The following BCL2L11 variants were observed in gnomAD, a reference collection of about 807,000 sequenced individuals.
BCL2L11 encodes bcl-2-like protein 11.
A neutral mutation model predicts 20.6 loss-of-function variants in BCL2L11; 15 were observed. The ratio of observed to expected loss-of-function variants is 0.73; its 90% CI spans 0.49 to 1.12. The LOEUF (loss-of-function observed/expected upper bound fraction) is 1.12. Among genes scored for constraint, BCL2L11 ranks in the 50% most tolerant of loss-of-function variants. BCL2L11 has a pLI of 0.00. For missense variants in BCL2L11, 292 were observed against 260.9 expected (o/e 1.12, Z -0.82); for synonymous variants, 108 against 92.8 (o/e 1.16, Z -0.94).
At chr2:111,144,612 G>A in intron 2 of BCL2L11, 1 of 1,409,648 alleles carries the variant, frequency 7.1e-7, no homozygotes, top group Admixed American at 2.2e-5. Flanking sequence ...AGATATTTCT[G>A]AAGATATTTA....
chr2:111,142,311 A>G lies in BCL2L11; in HGVS notation c.395-7733A>G, dbSNP rs1237029006. On this transcript the variant is annotated intron_variant, in intron 2 of 3. Coordinates refer to ENST00000393256, the MANE Select transcript of BCL2L11 (RefSeq NM_138621.5). ...TTTATACAACATTTTTATGGCTTGC[A>G]GATGACTCCGCTGGATCCTCCCTCA... The G allele has an allele frequency of 1.9e-6, 3 of 1,550,194 alleles. No homozygotes were observed. In the African/African-American group the frequency reaches 4.1e-5, roughly 21 times the overall value.
chr2:111,128,402 A>G (rs2073138424), intron 2 of BCL2L11, among the ~76,000 whole-genome samples: 1 of 152,018 alleles, frequency 6.6e-6, no homozygotes, highest in Admixed American at 6.5e-5. Context: ...TGCTATGAAC[A>G]TGGGTATGCA....
In BCL2L11 at chr2:111,123,449, C is replaced by T. The variant is rs1293089403; in HGVS notation, c.-13-284C>T. 4 of 985,360 alleles carry T rather than the reference C, an allele frequency of 4.1e-6. No homozygotes were observed. The African/African-American group carries it at 5.2e-5, about 13-fold the overall frequency. 61.0% of individuals were successfully genotyped at this position (985,360 alleles called of 1,614,324 possible). ...TGGGCAAAGAGCACACACGAATAGA[C>T]TTCAGATTAGCTGCTTCTCTGGAAA... is the stretch of plus-strand genomic sequence containing the variant. On this transcript the variant is annotated intron_variant, in intron 1 of 3. Coordinates refer to ENST00000393256, the MANE Select transcript of BCL2L11 (RefSeq NM_138621.5).
chr2:111,163,861 C>CTTTTTTT (rs10547953), intron 3 of BCL2L11, among the ~76,000 whole-genome samples: 1 of 104,720 alleles, frequency 9.5e-6, no homozygotes, highest in African/African-American at 3.5e-5. Flanking sequence ...TTTTTGAGTG[C>CTTTTTTT]TTTTTTTTTT....
chr2:111,161,548 T>TA, intron 3 of BCL2L11: 2 of 1,544,366 alleles, frequency 1.3e-6, no homozygotes, highest in Non-Finnish European at 1.7e-6. Flanking sequence ...GATCCGCTTA[T>TA]GGGTGTGTTT....
At chr2:111,133,250 C>T (rs999597793) in intron 2 of BCL2L11, among the ~76,000 whole-genome samples, 20 of 152,330 alleles carry the variant, frequency 1.3e-4, no homozygotes, top group African/African-American at 1.7e-4. Context: ...TGCCAAACAG[C>T]GTGCTGTGCA....
rs73954958 is a variant in BCL2L11, at chr2:111,146,165, T to C, written c.395-3879T>C. The C allele has an allele frequency of 3.6e-3, 3,577 of 985,340 alleles. 92 individuals carry two copies. The African/African-American group carries it at 0.056, about 15-fold the overall frequency. The allele number at this position is 985,340 out of a possible 1,614,324, so 61.0% of individuals were successfully genotyped here. On this transcript the variant is annotated intron_variant, in intron 2 of 3. Transcript: ENST00000393256. ...AAACTACATTTTCTGTGGGTAAAAA[T>C]GCAGCTCATCAGAATTTCCCCTTTG... is the stretch of plus-strand genomic sequence containing the variant.
At chr2:111,157,867 G>A (rs765053992) in intron 3 of BCL2L11, among the ~76,000 whole-genome samples, 2 of 152,204 alleles carry the variant, frequency 1.3e-5, no homozygotes, top group Non-Finnish European at 2.9e-5. Flanking sequence ...GCTTTGCAAC[G>A]CTAGGGGAGA....
intron 2 of BCL2L11, chr2:111,145,860 T>G: frequency 1.6e-6 from 1 of 641,570 alleles, no homozygotes; most frequent in East Asian, 1.4e-4. Context: ...TGGACACACT[T>G]TTGGCAAAAA....
chr2:111,122,551 AC>A (rs2071304379), intron 1 of BCL2L11: 1 of 850,944 alleles, frequency 1.2e-6, no homozygotes, highest in African/African-American at 1.8e-5. Context: ...CCGCGCGCGG[AC>A]CAATTGGGAA....
At chr2:111,147,390 A>ACACCCC (rs1039299406) in intron 2 of BCL2L11, among the ~76,000 whole-genome samples, 6 of 138,256 alleles carry the variant, frequency 4.3e-5, no homozygotes, top group Non-Finnish European at 9.5e-5. Context: ...ACACACACAC[A>ACACCCC]CCCGCCATTT....
intron 2 of BCL2L11, among the ~76,000 whole-genome samples, chr2:111,147,438 AATTT>A (rs2076706987): frequency 6.6e-6 from 1 of 150,774 alleles, no homozygotes; most frequent in Admixed American, 6.6e-5. Flanking sequence ...TATATCCATG[AATTT>A]ATTTAGGCTA....
At chr2:111,150,256 A>G in intron 3 of BCL2L11, 109 bp downstream of exon 3, 1 of 1,516,496 alleles carries the variant, frequency 6.6e-7, no homozygotes, top group Non-Finnish European at 8.9e-7. Context: ...TCTGGAAATG[A>G]TTACTGTTGC....
In BCL2L11 at chr2:111,124,881, A is replaced by T. The variant is rs1182538489; in HGVS notation, c.394+742A>T. Among the ~76,000 whole-genome samples, 3 of 152,346 alleles carry T rather than the reference A, an allele frequency of 2.0e-5. No individual in the cohort carries two copies. In the East Asian group the frequency reaches 5.8e-4, roughly 29 times the overall value. On this transcript the variant is annotated intron_variant, in intron 2 of 3. Coordinates refer to ENST00000393256, the MANE Select transcript of BCL2L11 (RefSeq NM_138621.5). ...CATGAAAATGGTTTGTTTTCTGCCTAAATTCCTCTTTGTGCTTATTGCTCA... is the reference window on the plus strand; with the variant it reads ...CATGAAAATGGTTTGTTTTCTGCCTTAATTCCTCTTTGTGCTTATTGCTCA...
chr2:111,145,633 A>G (rs1457097776), intron 2 of BCL2L11, among the ~76,000 whole-genome samples: 2 of 152,194 alleles, frequency 1.3e-5, no homozygotes, highest in Non-Finnish European at 2.9e-5. Flanking sequence ...ATTTTAAATT[A>G]CTTAAGACTT....
intron 2 of BCL2L11, among the ~76,000 whole-genome samples, chr2:111,127,187 CAT>C (rs1348166287): frequency 3.3e-5 from 5 of 152,052 alleles, no homozygotes; most frequent in East Asian, 1.9e-4. Context: ...AAATCACTCA[CAT>C]GTGTTGGTTT....
intron 3 of BCL2L11, among the ~76,000 whole-genome samples, chr2:111,155,998 A>AT (rs2077795471): frequency 6.6e-6 from 1 of 152,342 alleles, no homozygotes; most frequent in African/African-American, 2.4e-5. Flanking sequence ...CTCTGTATGA[A>AT]TTTGAAATAC....
rs1034012900 is a variant in BCL2L11, at chr2:111,165,924, A to G, written c.*1693A>G. On this transcript the variant is annotated 3_prime_UTR_variant, in exon 4 of 4. Transcript: ENST00000393256. Reference sequence around the variant, plus strand: ...CATAATTTAAAAAATATATATGTATATATTGCATATTCACTTTTTCCTTTA... The same window carrying G: ...CATAATTTAAAAAATATATATGTATGTATTGCATATTCACTTTTTCCTTTA... 6.6e-6 allele frequency: 1 copy of G among 152,220 alleles called. No homozygotes were observed. Among genetic ancestry groups the G allele is most frequent in the African/African-American group, 2.4e-5 (1 of 41,462 alleles). 9.4% of individuals were successfully genotyped at this position (152,220 alleles called of 1,614,324 possible). A position where few individuals can be genotyped will look rare whatever the true frequency, so the allele number is the denominator to read the frequency against.
intron 3 of BCL2L11, among the ~76,000 whole-genome samples, chr2:111,162,324 A>G (rs1258003914): frequency 1.3e-5 from 2 of 152,226 alleles, no homozygotes; most frequent in Non-Finnish European, 2.9e-5. Context: ...GCACACTTGC[A>G]GACTGGGATG....
Sources: gnomAD v4.1 joint callset for allele counts (sites outside exome capture counted in the v4.1 genomes callset) on GRCh38, gnomAD v4.1.1 for gene constraint, MANE v1.5 for transcripts, NCBI Gene and HGNC (gene_info 2026-07-23, HGNC 2026-07-21) for gene names.